Variants in LIPA observed in about 807,000 individuals in gnomAD.
LIPA encodes the protein lipase A, lysosomal acid type, also known as lysosomal acid lipase/cholesteryl ester hydrolase.
A neutral mutation model predicts 40.6 loss-of-function variants in LIPA; 26 were observed. The ratio of observed to expected loss-of-function variants is 0.64; its 90% CI spans 0.47 to 0.89. The LOEUF (loss-of-function observed/expected upper bound fraction) is 0.89, where lower values mean the gene tolerates loss of function less well. Among genes scored for constraint, LIPA ranks in the 40% least tolerant of loss-of-function variants. The probability of loss-of-function intolerance (pLI) is 0.00; values close to 1 mark genes in which losing one functional copy is unlikely to be tolerated. For synonymous variants in LIPA, 188 were observed against 168.4 expected (o/e 1.12, Z -0.90); for missense variants, 455 against 479.6 (o/e 0.95, Z 0.48).
intron 1 of LIPA, among the ~76,000 whole-genome samples, chr10:89,333,302 G>A (rs968005823): frequency 1.1e-4 from 17 of 152,116 alleles, no homozygotes; most frequent in Non-Finnish European, 1.8e-4. Flanking sequence ...AAATTTCTAG[G>A]TCCTGCATTC....
intron 1 of LIPA, among the ~76,000 whole-genome samples, chr10:89,328,520 T>C (rs1247765442): frequency 6.6e-6 from 1 of 152,184 alleles, no homozygotes; most frequent in Non-Finnish European, 1.5e-5. Flanking sequence ...TTTCTTGTAA[T>C]TTTAAAAGGA....
intron 1 of LIPA, chr10:89,278,388 T>C (rs1409129114): frequency 1.3e-5 from 2 of 152,332 alleles, no homozygotes; most frequent in African/African-American, 2.4e-5. Context: ...TCTGCTTTAG[T>C]GTAGCAGGAA....
chr10:89,226,657 C>T (rs1034928224), intron 5 of LIPA, among the ~76,000 whole-genome samples: 7 of 152,198 alleles, frequency 4.6e-5, no homozygotes, highest in African/African-American at 1.4e-4. Flanking sequence ...CTTGCTTCAT[C>T]TAGGAAAACA....
chr10:89,294,012 G>C (rs1334021016), intron 1 of LIPA, among the ~76,000 whole-genome samples: 1 of 152,188 alleles, frequency 6.6e-6, no homozygotes, highest in Non-Finnish European at 1.5e-5. Context: ...TAAGAGCCTA[G>C]AATGGTGCCT....
At chr10:89,290,067 T>C (rs1472196647) in intron 1 of LIPA, among the ~76,000 whole-genome samples, 1 of 151,868 alleles carries the variant, frequency 6.6e-6, no homozygotes, top group African/African-American at 2.4e-5. Flanking sequence ...TGGCCTGGTA[T>C]ATGACAACAA....
intron 2 of LIPA, among the ~76,000 whole-genome samples, chr10:89,365,874 TC>T (rs1405040492): frequency 6.6e-6 from 1 of 152,218 alleles, no homozygotes; most frequent in Non-Finnish European, 1.5e-5. Context: ...TAGTTTGAAG[TC>T]AGGTAGCATG....
rs138160491 is a variant in LIPA, at chr10:89,328,643, G to A, written c.-2+13968C>T. Among the ~76,000 whole-genome samples the A allele has an allele frequency of 2.7e-3, 406 of 152,278 alleles. 1 individual carries two copies. The highest frequency in any genetic ancestry group is 0.01 in the Middle Eastern group (3 of 294). On this transcript the variant is annotated intron_variant, in intron 1 of 5. Transcript: ENST00000282673. Reference sequence around the variant, plus strand: ...CATTACTTTAAGGTGGGAAGTGGAAGAAACAATTCTTACAAATGGGCATTT... The same window carrying A: ...CATTACTTTAAGGTGGGAAGTGGAAAAAACAATTCTTACAAATGGGCATTT...
chr10:89,284,608 T>C (rs898655392), intron 1 of LIPA: 4 of 152,178 alleles, frequency 2.6e-5, no homozygotes, highest in African/African-American at 7.2e-5. Context: ...AAAGAAACTT[T>C]GGAAAAATGC....
upstream of LIPA, among the ~76,000 whole-genome samples, chr10:89,343,502 A>G (rs533470874): frequency 1.3e-5 from 2 of 152,314 alleles, no homozygotes; most frequent in East Asian, 3.9e-4. Context: ...TCTAGTTTCC[A>G]TGGTTCACTC....
At chr10:89,409,286 C>T (rs980338505) in intron 2 of LIPA, among the ~76,000 whole-genome samples, 7 of 152,114 alleles carry the variant, frequency 4.6e-5, no homozygotes, top group African/African-American at 1.7e-4. Flanking sequence ...AAAGGAAAAG[C>T]GAGATCAGAG....
At position 89,339,887 on chromosome 10, in the gene LIPA, C is replaced by T. The variant is rs1044101194; in HGVS notation, c.-2+2724G>A. 3 of 1,614,036 alleles carry T rather than the reference C, an allele frequency of 1.9e-6. No homozygotes were observed. The African/African-American group carries it at 4.0e-5, about 22-fold the overall frequency. On this transcript the variant is annotated intron_variant, in intron 1 of 5. Coordinates refer to the LIPA transcript ENST00000282673. ...CAGAATGTATCTGAAAATCTGCTTC[C>T]ACAAAATGCACCAAATTATTGGTAT...
At chr10:89,382,795 G>T (rs1324763856) in intron 2 of LIPA, among the ~76,000 whole-genome samples, 2 of 152,214 alleles carry the variant, frequency 1.3e-5, no homozygotes, top group Non-Finnish European at 2.9e-5. Flanking sequence ...CTCCAACCTG[G>T]CTTGAGCATT....
At chr10:89,237,909 A>G (rs1276897055) in intron 3 of LIPA, among the ~76,000 whole-genome samples, 2 of 152,230 alleles carry the variant, frequency 1.3e-5, no homozygotes, top group African/African-American at 4.8e-5. Context: ...AAGGACCTTT[A>G]AGGCTCATTA....
chr10:89,413,374 C>T (rs150279833), intron 1 of LIPA, among the ~76,000 whole-genome samples: 1 of 152,070 alleles, frequency 6.6e-6, no homozygotes, highest in African/African-American at 2.4e-5. Context: ...TCGCTTCAGG[C>T]ACTAAGTTTT....
chr10:89,276,689 A>G (rs990907363), intron 1 of LIPA, among the ~76,000 whole-genome samples: 28 of 152,226 alleles, frequency 1.8e-4, no homozygotes, highest in African/African-American at 6.0e-4. Context: ...GGATCCATCT[A>G]ATAATAATAA....
chr10:89,239,538 T>C (rs571173541), intron 3 of LIPA, among the ~76,000 whole-genome samples: 100 of 152,368 alleles, frequency 6.6e-4, no homozygotes, highest in African/African-American at 2.3e-3. Context: ...ACTGTCACCC[T>C]GCTGGGGAGC....
chr10:89,230,361 C>CAGTG (rs983741970), intron 3 of LIPA, among the ~76,000 whole-genome samples: 1 of 152,154 alleles, frequency 6.6e-6, no homozygotes, highest in Non-Finnish European at 1.5e-5. Context: ...GGATGGAGTG[C>CAGTG]AGTGGCGTGA....
At chr10:89,242,494 T>G (rs1187179036) in intron 3 of LIPA, among the ~76,000 whole-genome samples, 1 of 152,156 alleles carries the variant, frequency 6.6e-6, no homozygotes, top group Non-Finnish European at 1.5e-5. Flanking sequence ...AAAAGAGCAG[T>G]TAGGTAAAGC....
In LIPA at chr10:89,223,239, G is replaced by C. The variant is rs557103975; in HGVS notation, c.822+445C>G. Among the ~76,000 whole-genome samples, 8 of 152,232 alleles carry C rather than the reference G, an allele frequency of 5.3e-5. No individual in the cohort carries two copies. In the South Asian group the frequency reaches 1.7e-3, roughly 32 times the overall value. On this transcript the variant is annotated intron_variant, in intron 7 of 9. Coordinates refer to ENST00000336233, the MANE Select transcript of LIPA (RefSeq NM_000235.4). ...ACAAGGGTGGATTGCATGATGCTGA[G>C]ATGCGGGCTTCTATTGATCCCATAA...
Sources: allele counts gnomAD v4.1 joint callset (sites outside exome capture counted in the v4.1 genomes callset), GRCh38; gene constraint gnomAD v4.1.1; transcripts MANE v1.5; gene names NCBI Gene and HGNC (gene_info 2026-07-23, HGNC 2026-07-21).